Variants in EFHC2 observed in about 807,000 individuals in gnomAD.
The protein encoded by EFHC2 is EF-hand domain containing 2, also known as EF-hand domain-containing family member C2.
A neutral mutation model predicts 52.7 loss-of-function variants in EFHC2; 18 were observed. The ratio of observed to expected loss-of-function variants is 0.34; its 90% CI spans 0.24 to 0.51. The LOEUF (loss-of-function observed/expected upper bound fraction) is 0.51, where lower values mean the gene tolerates loss of function less well. EFHC2 is among the 20% of genes least tolerant of loss of function. The pLI is 0.97. For synonymous variants in EFHC2, 203 were observed against 204.1 expected, an observed-to-expected ratio of 0.99 and a Z score of 0.04; for missense variants, 513 against 562.5, an observed-to-expected ratio of 0.91 and a Z score of 0.89.
chrX:44,237,463 C>A (rs1406987681), intron 8 of EFHC2, among the ~76,000 whole-genome samples: 1 of 111,514 alleles, frequency 9.0e-6, no homozygotes, highest in Admixed American at 9.5e-5. Context: ...TGTGTTTATT[C>A]CCGTTGTCCC....
chrX:44,179,521 C>G (rs1372904767), intron 11 of EFHC2, among the ~76,000 whole-genome samples: 2 of 112,047 alleles, frequency 1.8e-5, no homozygotes, highest in Non-Finnish European at 3.8e-5. Context: ...ATTCTAGATT[C>G]TCCTAGTCAA....
intron 1 of EFHC2, among the ~76,000 whole-genome samples, chrX:44,325,122 A>G (rs1203125475): frequency 9.0e-6 from 1 of 111,629 alleles, no homozygotes; most frequent in Non-Finnish European, 1.9e-5. Context: ...TGAAATTTCA[A>G]TTCAGAATTC....
intron 2 of EFHC2, among the ~76,000 whole-genome samples, chrX:44,297,351 C>G (rs2037833277): frequency 9.0e-6 from 1 of 110,536 alleles, no homozygotes; most frequent in Admixed American, 9.7e-5. Flanking sequence ...TAATTTCAGA[C>G]AACACTCCAT....
At chrX:44,160,167 A>C (rs550499808) in intron 14 of EFHC2, among the ~76,000 whole-genome samples, 21 of 111,804 alleles carry the variant, frequency 1.9e-4, no homozygotes, top group African/African-American at 6.2e-4. Flanking sequence ...CAGTTGACAG[A>C]GTTGAAGTGA....
intron 2 of EFHC2, among the ~76,000 whole-genome samples, chrX:44,307,179 C>A (rs1399692679): frequency 9.0e-6 from 1 of 110,619 alleles, no homozygotes; most frequent in Non-Finnish European, 1.9e-5. Context: ...GGGATCACCA[C>A]CCCAGCATGG....
intron 11 of EFHC2, among the ~76,000 whole-genome samples, chrX:44,209,785 T>C (rs368141053): frequency 9.2e-5 from 10 of 108,994 alleles, no homozygotes; most frequent in African/African-American, 1.7e-4. Context: ...CCACTCCCCA[T>C]TGCTCGCATT....
chrX:44,309,700 TCATTGGAAAACGTGAGGCCAGG>T (rs2037931666), intron 2 of EFHC2: 15 of 1,039,036 alleles, frequency 1.4e-5, no homozygotes, highest in Non-Finnish European at 2.0e-5. Context: ...GCTAATAAGT[TCATTGGAAAACGTGAGGCCAGG>T]CATCGGTCCT....
chrX:44,306,987 G>T (rs998170952), intron 2 of EFHC2, among the ~76,000 whole-genome samples: 1 of 111,947 alleles, frequency 8.9e-6, no homozygotes, highest in African/African-American at 3.2e-5. Context: ...TTCAGGCAAG[G>T]AAGCTGACCT....
intron 11 of EFHC2, chrX:44,225,634 C>T (rs1272022728): frequency 8.9e-6 from 1 of 112,439 alleles, no homozygotes; most frequent in East Asian, 2.8e-4. Context: ...TCTACTATCT[C>T]AATGTACAAA....
chrX:44,248,425 G>T lies in EFHC2; in HGVS notation c.973-15C>A, dbSNP rs753597647. The T allele has an allele frequency of 8.4e-7, 1 of 1,188,543 alleles. No individual in the cohort carries two copies. Among genetic ancestry groups the T allele is most frequent in the Non-Finnish European group, 1.1e-6 (1 of 883,287 alleles). On this transcript the variant is annotated splice_polypyrimidine_tract_variant and intron_variant, in intron 6 of 14. Transcript: ENST00000420999. ...ACTTTTCCTAGCTAAAAAAGACAAA[G>T]GAACATAGCATTGGCACCATGGACC... is the stretch of plus-strand genomic sequence containing the variant.
intron 2 of EFHC2, among the ~76,000 whole-genome samples, chrX:44,276,057 A>G (rs187836170): frequency 1.9e-3 from 215 of 111,290 alleles, no homozygotes; most frequent in Non-Finnish European, 2.7e-3. Flanking sequence ...TGCAGGCCCT[A>G]TGATATTATA....
intron 2 of EFHC2, chrX:44,310,125 G>A (rs918130547): frequency 2.4e-4 from 168 of 692,280 alleles, no homozygotes; most frequent in Non-Finnish European, 4.3e-5. Context: ...GGGCTTCAGG[G>A]ATTCCCAGTG....
chrX:44,272,669 C>T lies in EFHC2; in HGVS notation c.382+17G>A, dbSNP rs1016301723. On this transcript the variant is annotated intron_variant, in intron 3 of 14. Transcript: ENST00000420999. ...AGTCAGAAGTGAAGGAACCATAACT[C>T]TGCTTTAAATAGATACCTTGAAGTA... The T allele has an allele frequency of 1.7e-6, 2 of 1,160,260 alleles. No individual in the cohort carries two copies. The highest frequency in any genetic ancestry group is 2.3e-6 in the Non-Finnish European group (2 of 870,619).
chrX:44,245,896 G>A (rs911589178), intron 7 of EFHC2, among the ~76,000 whole-genome samples: 2 of 111,583 alleles, frequency 1.8e-5, no homozygotes, highest in African/African-American at 3.3e-5. Context: ...GGCGTACTGC[G>A]TTAGAAATCT....
chrX:44,180,372 CT>C (rs1274112134), intron 11 of EFHC2, among the ~76,000 whole-genome samples: 1 of 112,367 alleles, frequency 8.9e-6, no homozygotes, highest in Non-Finnish European at 1.9e-5. Flanking sequence ...AGGAAAGCCC[CT>C]GGCTCCTCTA....
chrX:44,234,897 T>C (rs2037306800), intron 9 of EFHC2, among the ~76,000 whole-genome samples: 1 of 111,766 alleles, frequency 8.9e-6, no homozygotes, highest in Non-Finnish European at 1.9e-5. Flanking sequence ...ATTCTTGTCT[T>C]ACAGCCAAAC....
intron 2 of EFHC2, among the ~76,000 whole-genome samples, chrX:44,290,993 G>A (rs912399250): frequency 8.9e-6 from 1 of 111,892 alleles, no homozygotes; most frequent in East Asian, 2.8e-4. Flanking sequence ...TTGCAAGTTC[G>A]TTTGGGTATA....
At chrX:44,220,837 T>C (rs968730912) in intron 11 of EFHC2, among the ~76,000 whole-genome samples, 5 of 112,105 alleles carry the variant, frequency 4.5e-5, no homozygotes, top group African/African-American at 1.6e-4. Context: ...CAAATTTTTT[T>C]CAAATAAAAA....
intron 2 of EFHC2, among the ~76,000 whole-genome samples, chrX:44,295,819 C>T (rs1454196064): frequency 1.8e-5 from 2 of 111,331 alleles, no homozygotes; most frequent in Admixed American, 9.5e-5. Flanking sequence ...AGTAAGTTAA[C>T]ATTTAGAAGT....
Sources: gnomAD v4.1 joint callset for allele counts (sites outside exome capture counted in the v4.1 genomes callset) on GRCh38, gnomAD v4.1.1 for gene constraint, MANE v1.5 for transcripts, NCBI Gene and HGNC (gene_info 2026-07-23, HGNC 2026-07-21) for gene names.